The following CATSPERG variants were observed in gnomAD, a reference collection of about 807,000 sequenced individuals.
The protein encoded by CATSPERG is cation channel sperm-associated auxiliary subunit gamma.
Under a neutral mutation model 145.0 loss-of-function variants are expected in CATSPERG, and 115 were observed. That is an observed-to-expected ratio of 0.79 (90% CI 0.68 to 0.93). The LOEUF (loss-of-function observed/expected upper bound fraction) is 0.93. CATSPERG is among the 40% of genes least tolerant of loss of function. CATSPERG has a pLI of 0.00. For synonymous variants in CATSPERG, 588 were observed against 589.0 expected (o/e 1.00, Z 0.02); for missense variants, 1,296 against 1,490.1 (o/e 0.87, Z 2.14).
intron 7 of CATSPERG, chr19:38,349,775 C>G (rs886488350): frequency 1.3e-5 from 2 of 152,330 alleles, no homozygotes; most frequent in African/African-American, 4.8e-5. Flanking sequence ...AGTGATTCTT[C>G]TGCCTCAGCC....
Position 38,362,411 on chromosome 19 carries a change from C to G in CATSPERG, c.2193C>G (p.Ser731Arg). The part of the protein sequence containing the change: ...YYFFLASNWR[S>R]AGGVSIEMDS... ...TCTTCTTGGCGAGCAATTGGCGAAG[C>G]GCGGGCGGCGTGTCCATAGAAATGG... The change falls in exon 19 of 29, where the codon AGC becomes AGG. Residue 731 changes from serine to arginine, a missense_variant. Transcript: ENST00000409235. 1 of 1,614,132 alleles carries G rather than the reference C, an allele frequency of 6.2e-7. No individual in the cohort carries two copies. The highest frequency in any genetic ancestry group is 1.1e-5 in the South Asian group (1 of 91,082).
rs1970487068 is a variant in CATSPERG at position 38,368,127 on chromosome 19, C to T, written c.3010C>T (p.Pro1004Ser). 1 of 1,614,162 alleles carries T rather than the reference C, an allele frequency of 6.2e-7. No individual in the cohort carries two copies. The highest frequency in any genetic ancestry group is 2.2e-5 in the East Asian group (1 of 44,886). The change falls in exon 26 of 29, where the codon CCA becomes TCA. Residue 1004 changes from proline to serine, a missense_variant. Coordinates refer to ENST00000409235, the MANE Select transcript of CATSPERG (RefSeq NM_021185.5). ...SAFHIMSHES[P>S]GIEWLCLENA... Reference sequence around the variant, plus strand: ...CTTTCACATCATGTCCCACGAGAGCCCAGGCATCGAGTGAGTGCGTAGCCT... The same window carrying T: ...CTTTCACATCATGTCCCACGAGAGCTCAGGCATCGAGTGAGTGCGTAGCCT...
chr19:38,353,710 A>G (rs1469581017), intron 8 of CATSPERG, among the ~76,000 whole-genome samples: 16 of 148,310 alleles, frequency 1.1e-4, no homozygotes, highest in African/African-American at 1.2e-4. Flanking sequence ...AAAAAAAAAA[A>G]AAAAGAAAAA....
At chr19:38,352,595 CTTTTTTTT>C (rs576701757) in intron 8 of CATSPERG, 163 bp downstream of exon 8, 55 of 314,552 alleles carry the variant, frequency 1.7e-4, no homozygotes, top group Middle Eastern at 1.9e-3. Context: ...TTGCCTTGCC[CTTTTTTTT>C]TTTTTTTTTT....
chr19:38,342,048 G>A (rs942094990), intron 3 of CATSPERG, among the ~76,000 whole-genome samples: 3 of 148,464 alleles, frequency 2.0e-5, no homozygotes, highest in South Asian at 2.2e-4. Context: ...ACTGCACTCC[G>A]GACTGGGCAA....
rs776412128 is a variant in CATSPERG, at chr19:38,356,494, G to A, written c.1146G>A (p.Val382=). 5.6e-6 allele frequency: 9 copies of A among 1,613,918 alleles called. No individual in the cohort carries two copies. The highest frequency in any genetic ancestry group is 7.6e-6 in the Non-Finnish European group (9 of 1,179,990). ...VHFGTIRDGQ[V]SFEMLPRQWS... ...GACCTTGCTCTGCAGATGGCCAGGT[G>A]TCCTTTGAGATGCTGCCCAGGCAGT... Residue 382 remains valine, a synonymous_variant, in exon 10 of 29, where the codon GTG becomes GTA. Transcript: ENST00000409235.
Position 38,361,644 on chromosome 19 carries a change from C to T in CATSPERG, c.1881-4C>T. The T allele has an allele frequency of 2.5e-6, 4 of 1,608,036 alleles. No individual in the cohort carries two copies. The highest frequency in any genetic ancestry group is 3.4e-6 in the Non-Finnish European group (4 of 1,179,414). On this transcript the variant is annotated splice_polypyrimidine_tract_variant and splice_region_variant and intron_variant, in intron 16 of 28. Coordinates refer to ENST00000409235, the MANE Select transcript of CATSPERG (RefSeq NM_021185.5). ...AGCAGCCTTTCCCCCTTGCCACTGC[C>T]CAGGGGCTACTTGATGCTCTCCTTC... is the stretch of plus-strand genomic sequence containing the variant.
rs763184295 is a variant in CATSPERG, at chr19:38,355,720, ATAACT to A, written c.1136-760_1136-756del. 1.2e-3 allele frequency among the ~76,000 whole-genome samples: 182 copies of A among 152,300 alleles called. 3 individuals carry two copies. The highest frequency in any genetic ancestry group is 1.8e-4 in the Non-Finnish European group (12 of 68,016). On this transcript the variant is annotated intron_variant, in intron 9 of 28. Transcript: ENST00000409235. ...AATAATAATGATAGTAATAATAATA[ATAACT>A]TAAGCACAAAGAATTTGTGGACTTA... is the stretch of plus-strand genomic sequence containing the variant.
intron 20 of CATSPERG, among the ~76,000 whole-genome samples, chr19:38,364,524 G>A (rs542694113): frequency 6.6e-6 from 1 of 152,380 alleles, no homozygotes; most frequent in South Asian, 2.1e-4. Context: ...CGGGGTGGCG[G>A]CCGGGCAGAG....
chr19:38,367,664 AC>A lies in CATSPERG; in HGVS notation c.2835-16del. The A allele has an allele frequency of 6.2e-7, 1 of 1,613,800 alleles. No homozygotes were observed. The highest frequency in any genetic ancestry group is 8.5e-7 in the Non-Finnish European group (1 of 1,179,774). On this transcript the variant is annotated splice_polypyrimidine_tract_variant and intron_variant, in intron 24 of 28. Coordinates refer to ENST00000409235, the MANE Select transcript of CATSPERG (RefSeq NM_021185.5). Reference sequence around the variant, plus strand: ...GAGACCCGGAGGCCAGTCTGTGTGCACTTCTGTCCCTGGTAGCTATGTTCTG... The same window carrying A: ...GAGACCCGGAGGCCAGTCTGTGTGCATTCTGTCCCTGGTAGCTATGTTCTG...
chr19:38,348,477 G>GT (rs113503852), intron 7 of CATSPERG, among the ~76,000 whole-genome samples: 1,206 of 118,096 alleles, frequency 0.01, 21 homozygotes, highest in African/African-American at 0.03. Context: ...TTTTTTTTTT[G>GT]TTTTTTTTTT....
chr19:38,356,666 G>A, intron 10 of CATSPERG, 76 bp from the exon 11 acceptor site: 1 of 1,598,278 alleles, frequency 6.3e-7, no homozygotes, highest in South Asian at 1.1e-5. Context: ...GGTGAGTTAT[G>A]GGGAGGGGTA....
chr19:38,368,176 C>T (rs1970488222), intron 26 of CATSPERG, 39 bp downstream of exon 26: 1 of 1,575,616 alleles, frequency 6.3e-7, no homozygotes, highest in Non-Finnish European at 8.7e-7. Flanking sequence ...CCCCATCTGT[C>T]GGTAGTCCAT....
At chr19:38,339,242 A>G (rs987187439) in intron 3 of CATSPERG, among the ~76,000 whole-genome samples, 1 of 150,454 alleles carries the variant, frequency 6.6e-6, no homozygotes, top group Non-Finnish European at 1.5e-5. Flanking sequence ...TCAAGATACA[A>G]TCAATCCTGG....
rs115627931 is a variant in CATSPERG, at chr19:38,367,645, C to T, written c.2835-36C>T. The T allele has an allele frequency of 1.2e-3, 1,948 of 1,612,294 alleles. 13 individuals carry two copies. In the African/African-American group the frequency reaches 0.019, roughly 16 times the overall value. ...GGAGATGGGTGCAGGACTCGAGACC[C>T]GGAGGCCAGTCTGTGTGCACTTCTG... On this transcript the variant is annotated intron_variant, in intron 24 of 28. Transcript: ENST00000409235.
rs760733337 is a variant in CATSPERG, at chr19:38,337,424, AGCTTCTTT to A, written c.192_199del (p.Ser64ArgfsTer45). 1.1e-5 allele frequency: 17 copies of A among 1,552,054 alleles called. No homozygotes were observed. ...GGTAGGCGAGAGTGGTGTGAGCGAC[AGCTTCTTT>A]GAGCAAGAGCCCGTGGACACAGTGA... is the stretch of plus-strand genomic sequence containing the variant. On this transcript the variant is annotated frameshift_variant, in exon 2 of 29. Transcript: ENST00000409235. LOFTEE classifies it high-confidence loss of function.
intron 26 of CATSPERG, 59 bp downstream of exon 26, chr19:38,368,196 C>A (rs1342631311): frequency 3.6e-5 from 52 of 1,450,168 alleles, no homozygotes; most frequent in Non-Finnish European, 1.5e-5. Context: ...TTGGGCCCAC[C>A]TATCCTTTCT....
At chr19:38,361,528 G>A in intron 16 of CATSPERG, 120 bp from the exon 17 acceptor site, 1 of 779,804 alleles carries the variant, frequency 1.3e-6, no homozygotes, top group Non-Finnish European at 2.1e-6. Context: ...TGACGCTGAG[G>A]AGGAAGATTC....
Position 38,367,183 on chromosome 19 carries a change from G to A in CATSPERG, c.2641G>A (p.Gly881Ser), listed in dbSNP as rs745419562. The A allele has an allele frequency of 3.3e-5, 54 of 1,613,370 alleles. No individual in the cohort carries two copies. The highest frequency in any genetic ancestry group is 4.5e-5 in the Non-Finnish European group (53 of 1,179,826). The change falls in exon 23 of 29, where the codon GGC (glycine) becomes AGC (serine). Residue 881 changes from glycine (G) to serine (S), a missense_variant. By Grantham distance (56) the Gly-to-Ser change is moderately conservative (BLOSUM62 0). Transcript: ENST00000409235. ...CAACCTGATGGTGCCAGTGTTCATT[G>A]GCTGCCCCCCAGGCAAGCGCCTGGC... is the stretch of plus-strand genomic sequence containing the variant. ...QGNLMVPVFI[G>S]CPPGKRLAFD...
Sources: gnomAD v4.1 joint callset for allele counts (sites outside exome capture counted in the v4.1 genomes callset) on GRCh38, gnomAD v4.1.1 for gene constraint, MANE v1.5 for transcripts, NCBI Gene and HGNC (gene_info 2026-07-23, HGNC 2026-07-21) for gene names.